The following SYCP1 variants were observed in gnomAD, a reference collection of about 807,000 sequenced individuals.
SYCP1 encodes cancer/testis antigen 8.
SYCP1 carries 64 observed loss-of-function variants against 153.1 expected under a neutral mutation model. The observed-to-expected ratio is 0.42, with a 90% CI of 0.34 to 0.51. SYCP1 has a LOEUF of 0.51. Ranked by LOEUF, SYCP1 falls within the 20% of genes least tolerant of loss-of-function variation. The probability of loss-of-function intolerance (pLI) is 0.06; values close to 1 mark genes in which losing one functional copy is unlikely to be tolerated. For missense variants in SYCP1, 997 were observed against 1,049.0 expected (o/e 0.95, Z 0.68); for synonymous variants, 384 against 341.8 (o/e 1.12, Z -1.36).
intron 16 of SYCP1, among the ~76,000 whole-genome samples, chr1:114,907,631 G>C (rs1050841955): frequency 2.7e-5 from 4 of 150,506 alleles, no homozygotes; most frequent in Non-Finnish European, 5.9e-5. Flanking sequence ...GCCCAGGCTG[G>C]AGTGCAGTGG....
At chr1:114,927,713 G>A (rs1022268759) in intron 23 of SYCP1, among the ~76,000 whole-genome samples, 1 of 151,970 alleles carries the variant, frequency 6.6e-6, no homozygotes, top group African/African-American at 2.4e-5. Flanking sequence ...CAGAAGAAGA[G>A]TTTTTAAAAG....
At chr1:114,911,777 C>T (rs1055252024) in intron 18 of SYCP1, among the ~76,000 whole-genome samples, 195 bp downstream of exon 18, 3 of 151,882 alleles carry the variant, frequency 2.0e-5, no homozygotes, top group African/African-American at 7.2e-5. Flanking sequence ...AGAAAGAGTA[C>T]ATCCCAAATT....
At chr1:114,873,440 A>C (rs1445723475) in intron 8 of SYCP1, among the ~76,000 whole-genome samples, 1 of 152,070 alleles carries the variant, frequency 6.6e-6, no homozygotes, top group African/African-American at 2.4e-5. Context: ...GGAATTTCCC[A>C]TTTTCCATCT....
Position 114,857,546 on chromosome 1 carries a change from C to A in SYCP1, c.291+49C>A, listed in dbSNP as rs535807362. On this transcript the variant is annotated intron_variant, in intron 5 of 31. Coordinates refer to ENST00000369522, the MANE Select transcript of SYCP1 (RefSeq NM_003176.4). ...TAAATTTCTTGTAATTGGAATATAA[C>A]TTATTACCTATATGTATATTTCTTT... The A allele has an allele frequency of 3.6e-5, 48 of 1,321,950 alleles. No homozygotes were observed. In the East Asian group the frequency reaches 1.0e-3, roughly 28 times the overall value. The allele number at this position is 1,321,950 out of a possible 1,614,324, so 81.9% of individuals were successfully genotyped here.
chr1:114,965,359 T>C (rs1387838567), intron 27 of SYCP1, among the ~76,000 whole-genome samples: 2 of 152,192 alleles, frequency 1.3e-5, no homozygotes, highest in African/African-American at 4.8e-5. Context: ...TTGTTTCTCT[T>C]ACCTGATTTC....
At chr1:114,884,224 C>A (rs1666148252) in intron 12 of SYCP1, among the ~76,000 whole-genome samples, 1 of 152,188 alleles carries the variant, frequency 6.6e-6, no homozygotes, top group Non-Finnish European at 1.5e-5. Context: ...TCTCCTGTGA[C>A]TTATTCGTTA....
chr1:114,899,964 GA>G lies in SYCP1; in HGVS notation c.1320+4458del, dbSNP rs1248174411. On this transcript the variant is annotated intron_variant, in intron 16 of 31. Transcript: ENST00000369522. ...AGAGGTTGAAAACACTTAATGTTATGAAATAGAATTCCAGATGACATAAATC... is the reference window on the plus strand; with the variant it reads ...AGAGGTTGAAAACACTTAATGTTATGAATAGAATTCCAGATGACATAAATC... Among the ~76,000 whole-genome samples, 30 of 152,320 alleles carry G rather than the reference GA, an allele frequency of 2.0e-4. 1 individual carries two copies. The highest frequency in any genetic ancestry group is 1.5e-5 in the Non-Finnish European group (1 of 68,030).
chr1:114,947,396 T>C (rs1670780395), intron 27 of SYCP1, 76 bp downstream of exon 27: 1 of 975,540 alleles, frequency 1.0e-6, no homozygotes, highest in Admixed American at 2.3e-5. Context: ...TTATGTCATA[T>C]TATAAAATAA....
At position 114,995,180 on chromosome 1, in the gene SYCP1, T is replaced by G; in HGVS notation, c.*161T>G. Reference sequence around the variant, plus strand: ...TTATATTTTTAGCCTAAATGTTAACTACATATTGTCTGGAAACCTGTCATT... The same window carrying G: ...TTATATTTTTAGCCTAAATGTTAACGACATATTGTCTGGAAACCTGTCATT... On this transcript the variant is annotated 3_prime_UTR_variant, in exon 32 of 32. Transcript: ENST00000369522. 1.6e-6 allele frequency: 1 copy of G among 616,950 alleles called. No homozygotes were observed. The highest frequency in any genetic ancestry group is 2.5e-6 in the Non-Finnish European group (1 of 392,198). The allele number at this position is 616,950 out of a possible 1,614,324, so 38.2% of individuals were successfully genotyped here.
chr1:114,895,875 T>C (rs1667024731), intron 16 of SYCP1, among the ~76,000 whole-genome samples: 1 of 152,156 alleles, frequency 6.6e-6, no homozygotes, highest in Non-Finnish European at 1.5e-5. Context: ...AATGTTCAGG[T>C]AAAATCATGT....
intron 23 of SYCP1, among the ~76,000 whole-genome samples, chr1:114,935,952 C>T (rs2101783902): frequency 6.6e-6 from 1 of 152,290 alleles, no homozygotes; most frequent in South Asian, 2.1e-4. Context: ...GACGGAGTCA[C>T]AGCCGAATTC....
chr1:114,946,345 C>T lies in SYCP1; in HGVS notation c.2211C>T (p.Ser737=). ...ERDSELGLYK[S]KEQEQSSLRA... ...ACTCAGAATTAGGACTTTATAAGAGCAAAGAACAAGAACAGTCATCACTGA... is the reference window on the plus strand; with the variant it reads ...ACTCAGAATTAGGACTTTATAAGAGTAAAGAACAAGAACAGTCATCACTGA... Residue 737 remains serine, a synonymous_variant, in exon 26 of 32, where the codon AGC becomes AGT. Transcript: ENST00000369522. 1 of 1,585,588 alleles carries T rather than the reference C, an allele frequency of 6.3e-7. No individual in the cohort carries two copies. Among genetic ancestry groups the T allele is most frequent in the Non-Finnish European group, 8.6e-7 (1 of 1,169,448 alleles).
chr1:114,915,903 A>G (rs942645927), intron 20 of SYCP1, among the ~76,000 whole-genome samples: 2 of 152,152 alleles, frequency 1.3e-5, no homozygotes, highest in African/African-American at 4.8e-5. Flanking sequence ...AAATGAAGCT[A>G]CTGAAGCCCC....
intron 16 of SYCP1, among the ~76,000 whole-genome samples, chr1:114,902,604 G>A (rs1667542935): frequency 6.6e-6 from 1 of 150,460 alleles, no homozygotes; most frequent in South Asian, 2.1e-4. Context: ...GCCCCGCCCT[G>A]TCCTCCCAGT....
At chr1:114,856,992 C>G (rs114061337) in intron 3 of SYCP1, among the ~76,000 whole-genome samples, 3,626 of 145,258 alleles carry the variant, frequency 0.025, 65 homozygotes, top group Middle Eastern at 0.069. Flanking sequence ...GACATGGTGG[C>G]ATGCGCCTGC....
In SYCP1 at chr1:114,913,974, G is replaced by T; in HGVS notation, c.1648-1G>T. On this transcript the variant is annotated splice_acceptor_variant, in intron 19 of 31. Transcript: ENST00000369522. LOFTEE classifies it high-confidence loss of function. Reference sequence around the variant, plus strand: ...TGATATAAACAACATTATTTCTTTAGAATAACAAAAAGCAAGAAGAAAGGA... The same window carrying T: ...TGATATAAACAACATTATTTCTTTATAATAACAAAAAGCAAGAAGAAAGGA... 1 of 1,543,908 alleles carries T rather than the reference G, an allele frequency of 6.5e-7. No homozygotes were observed. The highest frequency in any genetic ancestry group is 1.3e-5 in the South Asian group (1 of 78,334).
intron 3 of SYCP1, 95 bp from the exon 4 acceptor site, chr1:114,857,137 A>AAG (rs1491482541): frequency 2.9e-5 from 5 of 169,942 alleles, no homozygotes; most frequent in Non-Finnish European, 3.3e-5. Flanking sequence ...TCTCTCTCTC[A>AAG]AAAAAAAAAA....
intron 12 of SYCP1, among the ~76,000 whole-genome samples, chr1:114,879,397 A>G (rs951244313): frequency 6.6e-6 from 1 of 152,198 alleles, no homozygotes; most frequent in Admixed American, 6.5e-5. Context: ...GATATATTGA[A>G]ATAATTTAAC....
intron 27 of SYCP1, among the ~76,000 whole-genome samples, chr1:114,976,569 C>A (rs1230615238): frequency 7.9e-6 from 1 of 125,858 alleles, no homozygotes; most frequent in Non-Finnish European, 1.9e-5. Flanking sequence ...CGTCTGTCCT[C>A]TAGAAGCCAA....
Sources: allele counts gnomAD v4.1 joint callset (sites outside exome capture counted in the v4.1 genomes callset), GRCh38; gene constraint gnomAD v4.1.1; transcripts MANE v1.5; gene names NCBI Gene and HGNC (gene_info 2026-07-23, HGNC 2026-07-21).